Variants in ST6GALNAC3 observed in about 807,000 individuals in gnomAD.
ST6GALNAC3 encodes the protein alpha-N-acetylgalactosaminide alpha-2,6-sialyltransferase 3.
In ST6GALNAC3, 25 loss-of-function variants were observed where a neutral mutation model predicts 32.7. The ratio of observed to expected loss-of-function variants is 0.76; its 90% CI spans 0.56 to 1.07. The LOEUF is 1.07. Ranked by LOEUF, ST6GALNAC3 falls within the 50% of genes least tolerant of loss-of-function variation. The probability of loss-of-function intolerance (pLI) is 0.00; values close to 1 mark genes in which losing one functional copy is unlikely to be tolerated. For synonymous variants in ST6GALNAC3, 129 were observed against 133.1 expected, an observed-to-expected ratio of 0.97 and a Z score of 0.21; for missense variants, 355 against 382.4, an observed-to-expected ratio of 0.93 and a Z score of 0.60.
chr1:76,272,810 G>A (rs532167307), intron 1 of ST6GALNAC3, among the ~76,000 whole-genome samples: 4 of 152,294 alleles, frequency 2.6e-5, no homozygotes, highest in Non-Finnish European at 5.9e-5. Flanking sequence ...GGCTAACTTA[G>A]CCTCCTCCCT....
chr1:76,467,160 A>G (rs190711782), intron 3 of ST6GALNAC3, among the ~76,000 whole-genome samples: 92 of 152,034 alleles, frequency 6.1e-4, no homozygotes, highest in East Asian at 4.7e-3. Flanking sequence ...GAATAATGAA[A>G]CCTCCCATTC....
chr1:76,172,987 T>C (rs1410378796), intron 1 of ST6GALNAC3, among the ~76,000 whole-genome samples: 2 of 152,124 alleles, frequency 1.3e-5, no homozygotes, highest in Non-Finnish European at 2.9e-5. Context: ...AAAATCGATT[T>C]TAAATTTCAT....
intron 3 of ST6GALNAC3, among the ~76,000 whole-genome samples, chr1:76,514,235 A>G (rs1424026712): frequency 1.3e-5 from 2 of 152,186 alleles, no homozygotes; most frequent in Non-Finnish European, 2.9e-5. Flanking sequence ...GTGTTGAGGT[A>G]CATACCTTTT....
At position 76,633,884 on chromosome 1, in the gene ST6GALNAC3, G is replaced by A. The variant is rs999446479; in HGVS notation, c.*5078G>A. 1 of 152,160 alleles carries A rather than the reference G, an allele frequency of 6.6e-6. No individual in the cohort carries two copies. The highest frequency in any genetic ancestry group is 2.4e-5 in the African/African-American group (1 of 41,424). The allele number at this position is 152,160 out of a possible 1,614,324, so 9.4% of individuals were successfully genotyped here. ...ACTACATACACTGGCCTCTGAAAAT[G>A]GTTCTTGTGGCTCAGAAATAGTATA... is the stretch of plus-strand genomic sequence containing the variant. On this transcript the variant is annotated 3_prime_UTR_variant, in exon 5 of 5. Transcript: ENST00000328299.
rs1648643731 is a variant in ST6GALNAC3, at chr1:76,347,775, A to G, written c.213+33776A>G. Among the ~76,000 whole-genome samples, 4 of 152,154 alleles carry G rather than the reference A, an allele frequency of 2.6e-5. No homozygotes were observed. In the South Asian group the frequency reaches 8.3e-4, roughly 31 times the overall value. On this transcript the variant is annotated intron_variant, in intron 2 of 4. Transcript: ENST00000328299. ...GCTCTATCTATCACTAATTAGCTCTATGATCTTGGAAAGTTGCTTAACCTA... is the reference window on the plus strand; with the variant it reads ...GCTCTATCTATCACTAATTAGCTCTGTGATCTTGGAAAGTTGCTTAACCTA...
At chr1:76,143,276 G>A (rs1003655227) in intron 1 of ST6GALNAC3, among the ~76,000 whole-genome samples, 10 of 152,074 alleles carry the variant, frequency 6.6e-5, no homozygotes, top group Non-Finnish European at 8.8e-5. Context: ...TGCCTATAGA[G>A]CATGCCATTC....
rs1649360616 is a variant in ST6GALNAC3 at position 76,632,718 on chromosome 1, C to T, written c.*3912C>T. ...GAAGAGACAACACTAAAGTACTTCA[C>T]CTGGTAGTGTTAATTGGATGTTAAT... is the stretch of plus-strand genomic sequence containing the variant. On this transcript the variant is annotated 3_prime_UTR_variant, in exon 5 of 5. Transcript: ENST00000328299. 1 of 151,916 alleles carries T rather than the reference C, an allele frequency of 6.6e-6. No homozygotes were observed. The highest frequency in any genetic ancestry group is 2.1e-4 in the South Asian group (1 of 4,812). 9.4% of individuals were successfully genotyped at this position (151,916 alleles called of 1,614,324 possible).
At chr1:76,255,398 T>C (rs892148929) in intron 1 of ST6GALNAC3, among the ~76,000 whole-genome samples, 2 of 152,118 alleles carry the variant, frequency 1.3e-5, no homozygotes, top group Non-Finnish European at 2.9e-5. Context: ...ATCTGCTTTT[T>C]TGTGTTACTA....
chr1:76,250,014 A>G (rs1365300505), intron 1 of ST6GALNAC3, among the ~76,000 whole-genome samples: 1 of 152,094 alleles, frequency 6.6e-6, no homozygotes, highest in African/African-American at 2.4e-5. Flanking sequence ...TCCTTATCAG[A>G]TATATGATTT....
rs556595903 is a variant in ST6GALNAC3, at chr1:76,456,328, T to A, written c.623+43911T>A. 6.6e-5 allele frequency among the ~76,000 whole-genome samples: 10 copies of A among 152,262 alleles called. No individual in the cohort carries two copies. In the East Asian group the frequency reaches 1.9e-3, roughly 29 times the overall value. On this transcript the variant is annotated intron_variant, in intron 3 of 4. Coordinates refer to ENST00000328299, the MANE Select transcript of ST6GALNAC3 (RefSeq NM_152996.4). ...CAGATTTATATGGTCTCTTTTTTCG[T>A]TTTTCTTTTCTTTCTTTCTTATTTA...
intron 3 of ST6GALNAC3, among the ~76,000 whole-genome samples, chr1:76,471,424 CA>C (rs1350297792): frequency 2.0e-5 from 3 of 152,062 alleles, no homozygotes; most frequent in Non-Finnish European, 4.4e-5. Context: ...TACTTTGTAT[CA>C]GTGTTCTTGG....
At chr1:76,475,690 T>A (rs1275600394) in intron 3 of ST6GALNAC3, among the ~76,000 whole-genome samples, 1 of 152,170 alleles carries the variant, frequency 6.6e-6, no homozygotes, top group Non-Finnish European at 1.5e-5. Context: ...ACAGAATTTT[T>A]AAAAATTATT....
At chr1:76,354,339 C>T (rs1649263130) in intron 2 of ST6GALNAC3, 1 of 152,244 alleles carries the variant, frequency 6.6e-6, no homozygotes, top group African/African-American at 2.4e-5. Context: ...TTTGGTATAG[C>T]TCCTTCTTTT....
intron 2 of ST6GALNAC3, among the ~76,000 whole-genome samples, chr1:76,346,456 A>T (rs897973509): frequency 1.3e-5 from 2 of 152,206 alleles, no homozygotes; most frequent in Non-Finnish European, 2.9e-5. Context: ...CTCAGTCAAG[A>T]TCAATGCAGA....
intron 2 of ST6GALNAC3, among the ~76,000 whole-genome samples, chr1:76,345,498 A>G (rs1410295716): frequency 1.3e-5 from 2 of 152,122 alleles, no homozygotes; most frequent in African/African-American, 4.8e-5. Context: ...ACCCACTGAA[A>G]AGATGTTCAC....
intron 1 of ST6GALNAC3, among the ~76,000 whole-genome samples, chr1:76,126,741 C>T (rs972919989): frequency 8.5e-5 from 13 of 152,110 alleles, no homozygotes; most frequent in African/African-American, 2.9e-4. Flanking sequence ...ATAGGCACGA[C>T]CATTTCTGCC....
intron 3 of ST6GALNAC3, among the ~76,000 whole-genome samples, chr1:76,459,251 C>T (rs1326006531): frequency 6.6e-6 from 1 of 152,088 alleles, no homozygotes; most frequent in Non-Finnish European, 1.5e-5. Flanking sequence ...GGCATCATGG[C>T]CCAGTATACA....
chr1:76,399,226 T>C (rs10873885), intron 2 of ST6GALNAC3, among the ~76,000 whole-genome samples: 149,546 of 152,216 alleles, frequency 0.98, 73,520 homozygotes, highest in East Asian at 1. Context: ...TGTGAGTGCT[T>C]TTCTATTTTG....
chr1:76,534,141 C>T (rs755200324), intron 3 of ST6GALNAC3, among the ~76,000 whole-genome samples: 4 of 152,086 alleles, frequency 2.6e-5, no homozygotes, highest in Admixed American at 1.3e-4. Flanking sequence ...CTCCTGGGTT[C>T]GAGTGATCCT....
Sources: allele counts gnomAD v4.1 joint callset (sites outside exome capture counted in the v4.1 genomes callset), GRCh38; gene constraint gnomAD v4.1.1; transcripts MANE v1.5; gene names NCBI Gene and HGNC (gene_info 2026-07-23, HGNC 2026-07-21).